SGSM1: variants seen among roughly 807,000 people sequenced by gnomAD.
The protein encoded by SGSM1 is small G protein signaling modulator 1, also known as RUN and TBC1 domain containing 2.
In SGSM1, 73 loss-of-function variants were observed where a neutral mutation model predicts 133.8. The observed-to-expected ratio is 0.55, with a 90% CI of 0.45 to 0.66. The LOEUF (loss-of-function observed/expected upper bound fraction) is 0.66, where lower values mean the gene tolerates loss of function less well. SGSM1 is among the 30% of genes least tolerant of loss of function. SGSM1 has a pLI of 0.00. For synonymous variants in SGSM1, 563 were observed against 573.0 expected (o/e 0.98, Z 0.25); for missense variants, 1,213 against 1,448.1 (o/e 0.84, Z 2.64).
chr22:24,835,840 A>T (rs1929396215), intron 2 of SGSM1, among the ~76,000 whole-genome samples: 1 of 152,036 alleles, frequency 6.6e-6, no homozygotes, highest in Non-Finnish European at 1.5e-5. Context: ...TCTGGGTGAG[A>T]CGGGAGCCAT....
intron 14 of SGSM1, among the ~76,000 whole-genome samples, chr22:24,883,196 G>A (rs751224686): frequency 1.1e-4 from 16 of 151,902 alleles, no homozygotes; most frequent in South Asian, 2.1e-4. Flanking sequence ...GAGCCACCGC[G>A]CACGGCCACC....
chr22:24,841,114 T>C lies in SGSM1; in HGVS notation c.64-3783T>C, dbSNP rs1043556010. Among the ~76,000 whole-genome samples the C allele has an allele frequency of 2.6e-5, 4 of 152,230 alleles. No individual in the cohort carries two copies. In the East Asian group the frequency reaches 7.7e-4, roughly 29 times the overall value. On this transcript the variant is annotated intron_variant, in intron 2 of 24. Transcript: ENST00000400358. ...ATCCGCCCGCCTTGGCCTCCCAAAG[T>C]GCTGGGATTACAGGCGTGAGCCACC...
At chr22:24,853,154 T>C (rs139678) in intron 5 of SGSM1, among the ~76,000 whole-genome samples, 59,071 of 152,068 alleles carry the variant, frequency 0.39, 13,707 homozygotes, top group African/African-American at 0.65. Context: ...ACTTGCCCAG[T>C]GACACACAGC....
chr22:24,858,629 C>A (rs1930945351), intron 8 of SGSM1, among the ~76,000 whole-genome samples: 1 of 110,192 alleles, frequency 9.1e-6, no homozygotes, highest in Non-Finnish European at 1.8e-5. Context: ...GAGCGAGACT[C>A]CATCTCAAAA....
At chr22:24,832,859 C>G (rs1569138432) in intron 2 of SGSM1, among the ~76,000 whole-genome samples, 1 of 152,100 alleles carries the variant, frequency 6.6e-6, no homozygotes, top group Non-Finnish European at 1.5e-5. Context: ...CAGATCCAAG[C>G]CTCCCTCCTT....
chr22:24,883,769 C>A (rs1046250088), intron 14 of SGSM1, among the ~76,000 whole-genome samples: 2 of 152,082 alleles, frequency 1.3e-5, no homozygotes, highest in African/African-American at 4.8e-5. Flanking sequence ...CCAGCCTGGG[C>A]AAGATGGTGA....
At chr22:24,874,505 C>G (rs1463487674) in intron 12 of SGSM1, 1 of 1,613,240 alleles carries the variant, frequency 6.2e-7, no homozygotes, top group East Asian at 2.2e-5. Flanking sequence ...CTGGTGGTGG[C>G]CAGAGGGAGT....
chr22:24,821,373 G>A (rs899005384), intron 2 of SGSM1, among the ~76,000 whole-genome samples: 1 of 152,246 alleles, frequency 6.6e-6, no homozygotes, highest in Non-Finnish European at 1.5e-5. Flanking sequence ...AAGAGGCTGT[G>A]TAGAGAACTA....
At chr22:24,878,531 C>G (rs780706022) in intron 13 of SGSM1, among the ~76,000 whole-genome samples, 3 of 152,218 alleles carry the variant, frequency 2.0e-5, no homozygotes, top group Non-Finnish European at 2.9e-5. Flanking sequence ...TATGCTCCTT[C>G]TGCCCTGCCC....
chr22:24,922,538 C>T lies in SGSM1; in HGVS notation c.3194-1648C>T, dbSNP rs192086331. On this transcript the variant is annotated intron_variant, in intron 24 of 24. Coordinates refer to ENST00000400358, the MANE Select transcript of SGSM1 (RefSeq NM_001098497.3). Reference sequence around the variant, plus strand: ...TCACCCAGGCTGGAGTGCAGTGGCGCGATCTCGACTCACTGCAAGCTCTGC... The same window carrying T: ...TCACCCAGGCTGGAGTGCAGTGGCGTGATCTCGACTCACTGCAAGCTCTGC... 5.8e-3 allele frequency among the ~76,000 whole-genome samples: 862 copies of T among 148,332 alleles called. 10 individuals are homozygous for T. Among genetic ancestry groups the T allele is most frequent in the African/African-American group, 0.019 (778 of 40,298 alleles).
intron 12 of SGSM1, among the ~76,000 whole-genome samples, chr22:24,869,207 G>A (rs988471892): frequency 1.3e-5 from 2 of 152,212 alleles, no homozygotes; most frequent in Non-Finnish European, 2.9e-5. Flanking sequence ...TCATTCTGGG[G>A]ATTAAACGAG....
At chr22:24,864,991 G>A (rs931572586) in intron 9 of SGSM1, among the ~76,000 whole-genome samples, 1 of 152,152 alleles carries the variant, frequency 6.6e-6, no homozygotes, top group African/African-American at 2.4e-5. Flanking sequence ...AAGCATATAG[G>A]GAGAATTTAT....
chr22:24,816,149 G>A (rs553783166), intron 2 of SGSM1, among the ~76,000 whole-genome samples: 10 of 152,100 alleles, frequency 6.6e-5, no homozygotes, highest in Non-Finnish European at 1.3e-4. Context: ...TAAGTGCTTT[G>A]CTGTCTCATT....
At chr22:24,909,868 T>C (rs954866120) in intron 21 of SGSM1, among the ~76,000 whole-genome samples, 8 of 152,214 alleles carry the variant, frequency 5.3e-5, no homozygotes, top group African/African-American at 1.9e-4. Flanking sequence ...ATTGAAAATA[T>C]ATGTGCATAC....
At chr22:24,831,512 G>A (rs1056894498) in intron 2 of SGSM1, among the ~76,000 whole-genome samples, 6 of 152,172 alleles carry the variant, frequency 3.9e-5, no homozygotes, top group Admixed American at 2.0e-4. Context: ...GTCTTTGACA[G>A]TTCTGATGGG....
intron 12 of SGSM1, 83 bp from the exon 13 acceptor site, chr22:24,876,494 C>G: frequency 6.4e-7 from 1 of 1,565,734 alleles, no homozygotes; most frequent in Non-Finnish European, 8.7e-7. Context: ...GGCGGGTGAG[C>G]TGCTTGCTCT....
intron 2 of SGSM1, among the ~76,000 whole-genome samples, chr22:24,833,579 A>AC (rs1290375252): frequency 1.3e-5 from 2 of 151,538 alleles, no homozygotes; most frequent in Non-Finnish European, 2.9e-5. Context: ...AATCAGTTGA[A>AC]CCCGGGAGGT....
intron 16 of SGSM1, among the ~76,000 whole-genome samples, chr22:24,890,794 G>A (rs6004348): frequency 0.01 from 1,559 of 152,052 alleles, 19 homozygotes; most frequent in African/African-American, 0.03. Context: ...TGCCCGCCTC[G>A]GACTCCCAAA....
At chr22:24,884,265 G>T (rs778984962) in intron 15 of SGSM1, 67 bp downstream of exon 15, 11 of 1,535,168 alleles carry the variant, frequency 7.2e-6, no homozygotes, top group Non-Finnish European at 9.7e-6. Flanking sequence ...TATTATCTGA[G>T]AAATAAGCCC....
Sources: gnomAD v4.1 joint callset for allele counts (sites outside exome capture counted in the v4.1 genomes callset) on GRCh38, gnomAD v4.1.1 for gene constraint, MANE v1.5 for transcripts, NCBI Gene and HGNC (gene_info 2026-07-23, HGNC 2026-07-21) for gene names.